USP32: variants seen among roughly 807,000 people sequenced by gnomAD.
USP32 encodes the protein ubiquitin carboxyl-terminal hydrolase 32.
USP32 carries 59 observed loss-of-function variants against 204.8 expected under a neutral mutation model. The observed-to-expected ratio is 0.29, with a 90% CI of 0.23 to 0.36. The LOEUF is 0.36. USP32 is among the 10% of genes least tolerant of loss of function. The pLI, the probability that USP32 is intolerant of heterozygous loss-of-function variation, is 1.00. For synonymous variants in USP32, 517 were observed against 678.4 expected, an observed-to-expected ratio of 0.76 and a Z score of 3.70; for missense variants, 1,160 against 1,946.4, an observed-to-expected ratio of 0.60 and a Z score of 7.60.
At chr17:60,404,607 A>G (rs1044523613) in intron 1 of USP32, among the ~76,000 whole-genome samples, 3 of 152,206 alleles carry the variant, frequency 2.0e-5, no homozygotes, top group African/African-American at 7.2e-5. Flanking sequence ...ATGACCTACT[A>G]CACTAAAGGC....
chr17:60,411,615 T>A (rs1254526907), intron 1 of USP32, among the ~76,000 whole-genome samples: 2 of 136,118 alleles, frequency 1.5e-5, no homozygotes, highest in East Asian at 4.7e-4. Flanking sequence ...GCTCAAGTGA[T>A]CCTCCCACCT....
In USP32 at chr17:60,405,684, C is replaced by G. The variant is rs141720689; in HGVS notation, c.106+16562G>C. On this transcript the variant is annotated intron_variant, in intron 1 of 3. Coordinates refer to the USP32 transcript ENST00000588898. ...GGCTAAGGTGGGAGGATCACCTGAG[C>G]CTGGGGAGGTGGAGGCTGCAGTGAA... 1.8e-4 allele frequency among the ~76,000 whole-genome samples: 27 copies of G among 152,030 alleles called. No individual in the cohort carries two copies. The East Asian group carries it at 4.8e-3, about 27-fold the overall frequency.
At chr17:60,282,003 T>C (rs2086978836) in intron 5 of USP32, among the ~76,000 whole-genome samples, 1 of 152,176 alleles carries the variant, frequency 6.6e-6, no homozygotes, top group African/African-American at 2.4e-5. Context: ...GTTATTTCTC[T>C]TACAAGAAAT....
chr17:60,422,360 G>T, exon 1 of USP32: 1 of 1,113,716 alleles, frequency 9.0e-7, no homozygotes, highest in Non-Finnish European at 1.2e-6. Context: ...ATCTTGCTCC[G>T]TTCCCTAGTC....
Position 60,181,484 on chromosome 17 carries a change from T to A in USP32, c.4388A>T (p.Asp1463Val). Residue 1463 changes from aspartate (D) to valine (V), a missense_variant, in exon 32 of 34, where the codon GAC (aspartate) becomes GTC (valine). Physicochemically the swap from Asp to Val is radical, Grantham distance 152. Coordinates refer to ENST00000300896, the MANE Select transcript of USP32 (RefSeq NM_032582.4). Reference protein sequence around the residue: ...GSQPELVTPQDHEVALANGFL... With the variant: ...GSQPELVTPQVHEVALANGFL... ...TCCATTGGCCAAAGCTACCTCATGG[T>A]CCTGAGGAGTGACCAACTCTGGTTG... The A allele has an allele frequency of 1.2e-6, 2 of 1,614,010 alleles. No individual in the cohort carries two copies. Among genetic ancestry groups the A allele is most frequent in the Middle Eastern group, 3.3e-4 (2 of 6,056 alleles).
rs1163309875 is a variant in USP32, at chr17:60,335,554, T to C, written c.186+9927A>G. Among the ~76,000 whole-genome samples, 7 of 133,632 alleles carry C rather than the reference T, an allele frequency of 5.2e-5. 1 individual carries two copies. Among genetic ancestry groups the C allele is most frequent in the African/African-American group, 8.3e-5 (2 of 24,242 alleles). 87.7% of individuals were successfully genotyped at this position (133,632 alleles called of 152,430 possible). ...CCTCTTCTTTTACTTGTATTATGAA[T>C]GGTGAAGTAGAAAAAAATATATCTA... On this transcript the variant is annotated intron_variant, in intron 2 of 33. Coordinates refer to ENST00000300896, the MANE Select transcript of USP32 (RefSeq NM_032582.4).
intron 26 of USP32, among the ~76,000 whole-genome samples, chr17:60,200,513 G>T (rs36065023): frequency 0.2 from 30,197 of 150,374 alleles, 7,321 homozygotes; most frequent in African/African-American, 0.58. Context: ...TGAGTTGAGG[G>T]CCTGCCACTG....
At position 60,184,826 on chromosome 17, in the gene USP32, A is replaced by C. The variant is rs535231097; in HGVS notation, c.3834+634T>G. On this transcript the variant is annotated intron_variant, in intron 30 of 33. Coordinates refer to ENST00000300896, the MANE Select transcript of USP32 (RefSeq NM_032582.4). ...CCCTGTCTCAAAAAAAAAAAAAAAA[A>C]AAACATATAAATATCTGAATTAAAA... 4.6e-5 allele frequency among the ~76,000 whole-genome samples: 7 copies of C among 152,028 alleles called. No homozygotes were observed. In the East Asian group the frequency reaches 1.2e-3, roughly 25 times the overall value.
In USP32 at chr17:60,183,154, C is replaced by T; in HGVS notation, c.4123+11G>A. The T allele has an allele frequency of 6.3e-7, 1 of 1,599,760 alleles. No homozygotes were observed. Among genetic ancestry groups the T allele is most frequent in the Non-Finnish European group, 8.5e-7 (1 of 1,172,120 alleles). On this transcript the variant is annotated intron_variant, in intron 31 of 33. Coordinates refer to ENST00000300896, the MANE Select transcript of USP32 (RefSeq NM_032582.4). ...CCAAGAAAGCACCTGCATAAGGCCC[C>T]CAGGCCTCACCTTTCGGGCTGCTGA...
At chr17:60,213,799 G>GT in intron 17 of USP32, 137 bp from the exon 18 acceptor site, 1 of 919,488 alleles carries the variant, frequency 1.1e-6, no homozygotes, top group African/African-American at 1.8e-5. Flanking sequence ...GCCTACTATA[G>GT]TTGTTCATAA....
intron 7 of USP32, among the ~76,000 whole-genome samples, chr17:60,266,834 T>C (rs1012735212): frequency 1.1e-4 from 17 of 151,998 alleles, no homozygotes; most frequent in Admixed American, 7.9e-4. Context: ...TTTTGTATTT[T>C]TAGTAGAGAC....
chr17:60,184,625 A>T (rs2084201527), intron 30 of USP32, among the ~76,000 whole-genome samples: 2 of 152,128 alleles, frequency 1.3e-5, no homozygotes, highest in African/African-American at 4.8e-5. Context: ...CCTGGCCAAC[A>T]TGGTGAAACC....
rs142634334 is a variant in USP32, at chr17:60,323,080, T to C, written c.187-21376A>G. ...TAAAATGGGCAGCCACTTTGGAAAATAGTCTGGCAGTTCCTCAAAAAGTTA... is the reference window on the plus strand; with the variant it reads ...TAAAATGGGCAGCCACTTTGGAAAACAGTCTGGCAGTTCCTCAAAAAGTTA... On this transcript the variant is annotated intron_variant, in intron 2 of 33. Transcript: ENST00000300896. Among the ~76,000 whole-genome samples, 246 of 152,232 alleles carry C rather than the reference T, an allele frequency of 1.6e-3. 1 individual carries two copies. The highest frequency in any genetic ancestry group is 5.3e-3 in the African/African-American group (222 of 41,546).
chr17:60,222,233 T>TGAAC (rs1567779371), intron 15 of USP32, among the ~76,000 whole-genome samples, 176 bp downstream of exon 15: 1 of 152,216 alleles, frequency 6.6e-6, no homozygotes, highest in Non-Finnish European at 1.5e-5. Flanking sequence ...CCTTTATTTA[T>TGAAC]GAATGAATGA....
chr17:60,252,258 AAT>A, intron 11 of USP32, 121 bp downstream of exon 11: 1 of 793,262 alleles, frequency 1.3e-6, no homozygotes, highest in Admixed American at 3.1e-5. Flanking sequence ...AAAATATTTC[AAT>A]ATGTAACTAT....
chr17:60,370,913 T>C (rs1196279011), intron 1 of USP32, among the ~76,000 whole-genome samples: 2 of 150,832 alleles, frequency 1.3e-5, no homozygotes, highest in East Asian at 2.0e-4. Context: ...CTGAGCAACA[T>C]AGCAAGATCC....
intron 7 of USP32, among the ~76,000 whole-genome samples, chr17:60,269,185 G>A (rs1413350205): frequency 6.6e-6 from 1 of 152,104 alleles, no homozygotes; most frequent in Non-Finnish European, 1.5e-5. Context: ...TAGCTGATCT[G>A]ATTCATTTAT....
chr17:60,389,715 G>C (rs1263475064), intron 1 of USP32, among the ~76,000 whole-genome samples: 2 of 151,674 alleles, frequency 1.3e-5, no homozygotes, highest in East Asian at 3.9e-4. Flanking sequence ...AAGCAAACTG[G>C]TAAAACATAA....
At chr17:60,410,207 A>T (rs1375668596) in intron 1 of USP32, among the ~76,000 whole-genome samples, 1 of 152,118 alleles carries the variant, frequency 6.6e-6, no homozygotes, top group Non-Finnish European at 1.5e-5. Flanking sequence ...CTGGTCTTGT[A>T]ACCCCCAGCA....
Sources: gnomAD v4.1 joint callset for allele counts (sites outside exome capture counted in the v4.1 genomes callset) on GRCh38, gnomAD v4.1.1 for gene constraint, MANE v1.5 for transcripts, NCBI Gene and HGNC (gene_info 2026-07-23, HGNC 2026-07-21) for gene names.